The following NF1 variants were observed in gnomAD, a reference collection of about 807,000 sequenced individuals.
NF1 encodes the protein neurofibromin.
Under a neutral mutation model 325.7 loss-of-function variants are expected in NF1, and 122 were observed. The ratio of observed to expected loss-of-function variants is 0.37; its 90% CI spans 0.32 to 0.44. The LOEUF (loss-of-function observed/expected upper bound fraction) is 0.44. NF1 is among the 20% of genes least tolerant of loss of function. The pLI is 1.00. For synonymous variants in NF1, 1,091 were observed against 1,186.0 expected (o/e 0.92, Z 1.65); for missense variants, 2,140 against 3,415.4 (o/e 0.63, Z 9.31).
At chr17:31,201,528 T>C (rs754006423) in intron 11 of NF1, 43 bp downstream of exon 11, 1 of 1,388,644 alleles carries the variant, frequency 7.2e-7, no homozygotes, top group African/African-American at 1.4e-5. Context: ...AAAATTTTTT[T>C]CTTTCTTTTC....
intron 29 of NF1, among the ~76,000 whole-genome samples, chr17:31,237,309 C>G (rs1201385690): frequency 1.3e-5 from 2 of 152,182 alleles, no homozygotes; most frequent in Admixed American, 6.5e-5. Flanking sequence ...GGGTCTCACT[C>G]TGTCACCCAG....
chr17:31,102,195 A>G (rs1033438672), intron 1 of NF1, among the ~76,000 whole-genome samples: 4 of 152,176 alleles, frequency 2.6e-5, no homozygotes, highest in Non-Finnish European at 5.9e-5. Context: ...TGTTTTTTGA[A>G]TCAGGTTTCA....
At chr17:31,298,353 A>G (rs2068507616) in intron 36 of NF1, among the ~76,000 whole-genome samples, 1 of 152,078 alleles carries the variant, frequency 6.6e-6, no homozygotes, top group Non-Finnish European at 1.5e-5. Flanking sequence ...AAGTTACGGT[A>G]TTTTCGTTAC....
At chr17:31,328,563 T>C (rs1168305445) in intron 38 of NF1, among the ~76,000 whole-genome samples, 1 of 152,080 alleles carries the variant, frequency 6.6e-6, no homozygotes, top group Non-Finnish European at 1.5e-5. Context: ...AACTAGCAAA[T>C]AGTTTATACT....
intron 8 of NF1, 86 bp downstream of exon 8, chr17:31,182,751 TTAAGC>T: frequency 2.4e-6 from 3 of 1,262,192 alleles, no homozygotes; most frequent in Non-Finnish European, 3.4e-6. Flanking sequence ...GGCTTATTAT[TTAAGC>T]AAAGTATTTC....
intron 36 of NF1, chr17:31,296,801 G>T: frequency 6.2e-6 from 1 of 161,226 alleles, no homozygotes. Flanking sequence ...ATATAGGGTA[G>T]ATTTTATTTA....
chr17:31,339,015 A>C (rs556005649), intron 46 of NF1, among the ~76,000 whole-genome samples: 14 of 152,342 alleles, frequency 9.2e-5, no homozygotes, highest in African/African-American at 3.1e-4. Context: ...AGCGCTTGTA[A>C]GTTTTTGGTC....
intron 1 of NF1, among the ~76,000 whole-genome samples, chr17:31,128,124 T>C (rs1328914232): frequency 1.3e-5 from 2 of 151,488 alleles, no homozygotes; most frequent in Non-Finnish European, 1.5e-5. Flanking sequence ...GTATTTTTTT[T>C]TTTTTTTTTT....
intron 1 of NF1, among the ~76,000 whole-genome samples, chr17:31,119,257 C>T (rs887610338): frequency 6.6e-6 from 1 of 151,760 alleles, no homozygotes; most frequent in African/African-American, 2.4e-5. Context: ...GTTCCTGTTT[C>T]TCCACCTCCT....
intron 4 of NF1, among the ~76,000 whole-genome samples, chr17:31,163,669 TTATGAA>T (rs2065800870): frequency 6.6e-6 from 1 of 152,198 alleles, no homozygotes; most frequent in African/African-American, 2.4e-5. Context: ...AAGAGCACTG[TTATGAA>T]TGTGAAAGTC....
intron 36 of NF1, among the ~76,000 whole-genome samples, chr17:31,315,305 A>G (rs944722439): frequency 2.0e-5 from 3 of 152,188 alleles, no homozygotes; most frequent in Admixed American, 6.5e-5. Flanking sequence ...GTTAATAGGT[A>G]CAAAAAACAA....
At chr17:31,222,141 T>C (rs2066935298) in intron 15 of NF1, 1 of 1,275,398 alleles carries the variant, frequency 7.8e-7, no homozygotes, top group African/African-American at 1.5e-5. Flanking sequence ...ATTTTAAGAA[T>C]AGTGCTAAAT....
chr17:31,306,290 TTC>T (rs1438670111), intron 36 of NF1, among the ~76,000 whole-genome samples: 2 of 152,186 alleles, frequency 1.3e-5, no homozygotes, highest in African/African-American at 2.4e-5. Flanking sequence ...AAGATTTTAG[TTC>T]TCAGCTTTAT....
intron 27 of NF1, 146 bp downstream of exon 27, chr17:31,233,359 G>A: frequency 1.2e-6 from 1 of 835,616 alleles, no homozygotes; most frequent in Non-Finnish European, 2.0e-6. Context: ...TTTTTCAGCT[G>A]TAGGGAAGTG....
chr17:31,184,285 C>T (rs1293831135), intron 8 of NF1, among the ~76,000 whole-genome samples: 1 of 152,112 alleles, frequency 6.6e-6, no homozygotes, highest in Admixed American at 6.5e-5. Context: ...ATACCTTTGA[C>T]CATATATGGA....
At chr17:31,218,032 C>T (rs1403191989) in intron 13 of NF1, among the ~76,000 whole-genome samples, 1 of 151,936 alleles carries the variant, frequency 6.6e-6, no homozygotes, top group East Asian at 1.9e-4. Context: ...ATGAAAAGGA[C>T]CGAAGTATGG....
In NF1 at chr17:31,342,992, A is replaced by G. The variant is rs2069864123; in HGVS notation, c.7063-17A>G. 1.2e-6 allele frequency: 2 copies of G among 1,609,768 alleles called. No homozygotes were observed. Among genetic ancestry groups the G allele is most frequent in the Admixed American group, 1.7e-5 (1 of 59,972 alleles). ...CTGTGTGAACCTCATCAACCATCTCATGATTATCTTTAATAGAGTCCAGAG... is the reference window on the plus strand; with the variant it reads ...CTGTGTGAACCTCATCAACCATCTCGTGATTATCTTTAATAGAGTCCAGAG... On this transcript the variant is annotated splice_polypyrimidine_tract_variant and intron_variant, in intron 47 of 57. Coordinates refer to ENST00000358273, the MANE Select transcript of NF1 (RefSeq NM_001042492.3).
rs2068703170 is a variant in NF1, at chr17:31,305,763, A to G, written c.4836-20057A>G. 9.2e-6 allele frequency: 7 copies of G among 757,514 alleles called. No individual in the cohort carries two copies. The East Asian group carries it at 1.9e-4, about 20-fold the overall frequency. 46.9% of individuals were successfully genotyped at this position (757,514 alleles called of 1,614,324 possible). ...TCCTAATTAGTAGTAGTTGATTAGT[A>G]GTTATTATTCCTAATTTAGACTTGA... is the stretch of plus-strand genomic sequence containing the variant. On this transcript the variant is annotated intron_variant, in intron 36 of 57. Transcript: ENST00000358273.
intron 3 of NF1, among the ~76,000 whole-genome samples, chr17:31,160,939 T>G (rs1236428016): frequency 2.0e-5 from 3 of 152,240 alleles, no homozygotes; most frequent in Admixed American, 2.0e-4. Context: ...ATGTGTATGC[T>G]TTTTCATTAA....
Sources: gnomAD v4.1 joint callset for allele counts (sites outside exome capture counted in the v4.1 genomes callset) on GRCh38, gnomAD v4.1.1 for gene constraint, MANE v1.5 for transcripts, NCBI Gene and HGNC (gene_info 2026-07-23, HGNC 2026-07-21) for gene names.